RGS12: variants seen among roughly 807,000 people sequenced by gnomAD.
RGS12 encodes the protein regulator of G protein signaling 12.
RGS12 carries 66 observed loss-of-function variants against 120.1 expected under a neutral mutation model. That is an observed-to-expected ratio of 0.55 (90% CI 0.45 to 0.67). RGS12 has a LOEUF of 0.67. Among genes scored for constraint, RGS12 ranks in the 30% least tolerant of loss-of-function variants. The pLI is 0.00. For missense variants in RGS12, 1,859 were observed against 1,957.7 expected, an observed-to-expected ratio of 0.95 and a Z score of 0.95; for synonymous variants, 827 against 804.7, an observed-to-expected ratio of 1.03 and a Z score of -0.47.
intron 4 of RGS12, among the ~76,000 whole-genome samples, chr4:3,391,802 G>T (rs6446734): frequency 0.032 from 4,823 of 150,910 alleles, 239 homozygotes; most frequent in African/African-American, 0.11. Flanking sequence ...GTGTTTGGGG[G>T]CGTCAGAGAG....
intron 1 of RGS12, among the ~76,000 whole-genome samples, chr4:3,306,914 G>A (rs982526059): frequency 5.9e-5 from 9 of 152,190 alleles, no homozygotes; most frequent in African/African-American, 1.7e-4. Flanking sequence ...GAGTGACGGT[G>A]GATTCCAGGT....
At chr4:3,425,138 C>T (rs1372470994) in intron 13 of RGS12, among the ~76,000 whole-genome samples, 2 of 152,224 alleles carry the variant, frequency 1.3e-5, no homozygotes, top group Non-Finnish European at 2.9e-5. Context: ...CATCTGCTCT[C>T]AGTATTCCCC....
At position 3,371,304 on chromosome 4, in the gene RGS12, C is replaced by A. The variant is rs530083456; in HGVS notation, c.1999-15112C>A. Among the ~76,000 whole-genome samples, 579 of 152,266 alleles carry A rather than the reference C, an allele frequency of 3.8e-3. 2 individuals are homozygous for A. Among genetic ancestry groups the A allele is most frequent in the Non-Finnish European group, 5.9e-3 (398 of 68,032 alleles). The stretch of plus-strand genomic sequence containing the variant: ...CGGGCCGCCTCTGGCTGTCTTGGGG[C>A]AGGGGGAATGTGTTCCTGTAACCTC... On this transcript the variant is annotated intron_variant, in intron 3 of 17. Coordinates refer to ENST00000336727, the MANE Select transcript of RGS12 (RefSeq NM_001394154.1).
chr4:3,300,161 C>G (rs1193409408), intron 1 of RGS12, among the ~76,000 whole-genome samples: 1 of 152,238 alleles, frequency 6.6e-6, no homozygotes, highest in Non-Finnish European at 1.5e-5. Flanking sequence ...TTGCACTCTG[C>G]TGGGAACAGG....
rs1719218191 is a variant in RGS12 at position 3,389,365 on chromosome 4, T to C, written c.2020+2928T>C. ...GAGAAGGAAGCACATTCTAGCATTATAGAGAGGCTTAGCAGGGGAATGGTC... is the reference window on the plus strand; with the variant it reads ...GAGAAGGAAGCACATTCTAGCATTACAGAGAGGCTTAGCAGGGGAATGGTC... On this transcript the variant is annotated intron_variant, in intron 4 of 17. Transcript: ENST00000336727. This position sits in a 1 kb window ranked among gnomAD's most constrained non-coding sequence, Gnocchi z 5.2. Among the ~76,000 whole-genome samples, 1 of 152,098 alleles carries C rather than the reference T, an allele frequency of 6.6e-6. No homozygotes were observed. The highest frequency in any genetic ancestry group is 6.5e-5 in the Admixed American group (1 of 15,280).
At chr4:3,385,347 G>C (rs1718725582) in intron 3 of RGS12, 1 of 152,482 alleles carries the variant, frequency 6.6e-6, no homozygotes, top group Non-Finnish European at 1.5e-5. Context: ...CCAGGGATCA[G>C]ATCAAACACG....
chr4:3,435,216 C>T (rs1577111863), intron 17 of RGS12, among the ~76,000 whole-genome samples: 2 of 152,148 alleles, frequency 1.3e-5, no homozygotes, highest in Non-Finnish European at 2.9e-5. Flanking sequence ...CCTGCCGGGG[C>T]TTCTGCAGCC....
rs1028275321 is a variant in RGS12, at chr4:3,365,561, G to C, written c.1999-20855G>C. ...GAGTCCGACCTAAGCCTTAGTGTGA[G>C]TCGGACACGGCCTTCTTGGCTGTTG... On this transcript the variant is annotated intron_variant, in intron 3 of 17. Transcript: ENST00000336727. This position sits in a 1 kb window ranked among gnomAD's most constrained non-coding sequence, Gnocchi z 4.0. Among the ~76,000 whole-genome samples, 1 of 152,194 alleles carries C rather than the reference G, an allele frequency of 6.6e-6. No individual in the cohort carries two copies. The highest frequency in any genetic ancestry group is 1.5e-5 in the Non-Finnish European group (1 of 68,042).
chr4:3,374,293 C>A lies in RGS12; in HGVS notation c.1999-12123C>A, dbSNP rs146010523. On this transcript the variant is annotated intron_variant, in intron 3 of 17. Transcript: ENST00000336727. The surrounding 1 kb of genome is among the most constrained non-coding windows in gnomAD (Gnocchi z 6.3). ...CTTCTGCAGCAGCGCCCTCCGGGTT[C>A]CCCTCCTCTCCTCCGACTCCACTGG... 1.9e-3 allele frequency among the ~76,000 whole-genome samples: 290 copies of A among 152,354 alleles called. 4 individuals are homozygous for A. The highest frequency in any genetic ancestry group is 6.2e-3 in the African/African-American group (258 of 41,588).
chr4:3,373,684 G>A (rs779407100), intron 3 of RGS12, among the ~76,000 whole-genome samples: 3 of 152,154 alleles, frequency 2.0e-5, no homozygotes, highest in East Asian at 1.9e-4. Flanking sequence ...GCCTCTGCCC[G>A]CCTGTGTCCT....
rs181273847 is a variant in RGS12, at chr4:3,303,319, C to T, written c.-102+10220C>T. On this transcript the variant is annotated intron_variant, in intron 1 of 17. Coordinates refer to ENST00000336727, the MANE Select transcript of RGS12 (RefSeq NM_001394154.1). ...CCACCATGCAAGGTGAGCCTCGGTA[C>T]GGCGACCTAGGCAGGGAGGATGTGG... Among the ~76,000 whole-genome samples, 339 of 152,246 alleles carry T rather than the reference C, an allele frequency of 2.2e-3. 7 individuals are homozygous for T. Among genetic ancestry groups the T allele is most frequent in the Admixed American group, 0.022 (330 of 15,298 alleles).
intron 3 of RGS12, chr4:3,369,964 G>C: frequency 8.7e-7 from 1 of 1,147,400 alleles, no homozygotes; most frequent in Non-Finnish European, 1.1e-6. Flanking sequence ...CTGTTTTACT[G>C]ACTGAGAAAT....
chr4:3,298,588 C>T (rs1026117863), intron 1 of RGS12, among the ~76,000 whole-genome samples: 4 of 152,202 alleles, frequency 2.6e-5, no homozygotes, highest in African/African-American at 9.7e-5. Context: ...AAGTCAGTCA[C>T]TCTGGTAGCT....
At chr4:3,358,591 A>C (rs1715116088) in intron 3 of RGS12, among the ~76,000 whole-genome samples, 1 of 151,446 alleles carries the variant, frequency 6.6e-6, no homozygotes, top group East Asian at 1.9e-4. Flanking sequence ...TAATGATGTG[A>C]TTTTCCCTCT....
Position 3,439,461 on chromosome 4 carries a change from G to A in RGS12, c.4121G>A (p.Gly1374Glu), listed in dbSNP as rs1725131920. The change falls in exon 18 of 18, where the codon GGG (glycine) becomes GAG (glutamate). Residue 1374 changes from glycine (G) to glutamate (E), a missense_variant. Gly to Glu is a moderately conservative substitution (Grantham distance 98). This residue lies in a region of RGS12 where 517 missense variants were observed against 488.5 expected (regional missense o/e 1.06). Coordinates refer to ENST00000336727, the MANE Select transcript of RGS12 (RefSeq NM_001394154.1). The stretch of plus-strand genomic sequence containing the variant: ...TCTCTTCTCCTTGTGACAGGAAGTG[G>A]GACCCATGGCAGCCGAGACCTCCCA... ...EVPGPSRPGS[G>E]THGSRDLPVN... 1 of 1,612,812 alleles carries A rather than the reference G, an allele frequency of 6.2e-7. No homozygotes were observed. Among genetic ancestry groups the A allele is most frequent in the East Asian group, 2.2e-5 (1 of 44,882 alleles).
At chr4:3,424,369 C>T (rs1245651812) in intron 13 of RGS12, among the ~76,000 whole-genome samples, 2 of 152,246 alleles carry the variant, frequency 1.3e-5, no homozygotes, top group Non-Finnish European at 1.5e-5. Context: ...ACAAGAAGAA[C>T]CTATTAAATT....
chr4:3,293,455 G>T (rs1228337634), intron 1 of RGS12, among the ~76,000 whole-genome samples: 1 of 150,836 alleles, frequency 6.6e-6, no homozygotes, highest in Non-Finnish European at 1.5e-5. Flanking sequence ...GCCGGGCAGG[G>T]GGTCCCGCGG....
At chr4:3,338,794 C>T (rs1015462540) in intron 2 of RGS12, among the ~76,000 whole-genome samples, 1 of 152,214 alleles carries the variant, frequency 6.6e-6, no homozygotes, top group Non-Finnish European at 1.5e-5. Context: ...GGAGTTTGAA[C>T]CAAGTGGTCT....
At chr4:3,367,210 G>C (rs891773544) in intron 3 of RGS12, among the ~76,000 whole-genome samples, 1 of 152,392 alleles carries the variant, frequency 6.6e-6, no homozygotes, top group Admixed American at 6.5e-5. Flanking sequence ...CTGCCTCCAG[G>C]CTCACATGCC....
Sources: allele counts gnomAD v4.1 joint callset (sites outside exome capture counted in the v4.1 genomes callset), GRCh38; gene constraint gnomAD v4.1.1; regional missense constraint gnomAD v4.1.1; non-coding constraint Gnocchi (gnomAD v3.1); transcripts MANE v1.5; gene names NCBI Gene and HGNC (gene_info 2026-07-23, HGNC 2026-07-21).